NRG1: variants seen among roughly 807,000 people sequenced by gnomAD.
NRG1 encodes the protein pro-neuregulin-1, membrane-bound isoform.
In NRG1, 18 loss-of-function variants were observed where a neutral mutation model predicts 63.8. That is an observed-to-expected ratio of 0.28 (90% confidence interval 0.19 to 0.42). The LOEUF (loss-of-function observed/expected upper bound fraction) is 0.42, where lower values mean the gene tolerates loss of function less well. Among genes scored for constraint, NRG1 ranks in the 10% least tolerant of loss-of-function variants. The pLI is 1.00. For synonymous variants in NRG1, 302 were observed against 301.3 expected (o/e 1.00, Z -0.02); for missense variants, 762 against 814.7 (o/e 0.94, Z 0.79).
At chr8:32,279,677 C>G (rs1261081698) in intron 1 of NRG1, among the ~76,000 whole-genome samples, 2 of 152,146 alleles carry the variant, frequency 1.3e-5, no homozygotes, top group African/African-American at 4.8e-5. Context: ...AAGTGACTTG[C>G]CCAATATCAC....
chr8:32,739,407 C>T (rs991148064), intron 6 of NRG1, among the ~76,000 whole-genome samples: 1 of 152,128 alleles, frequency 6.6e-6, no homozygotes, highest in African/African-American at 2.4e-5. Flanking sequence ...AAATTCATCT[C>T]CCAAATGAAG....
At chr8:32,760,140 AT>A (rs1830425272) in intron 10 of NRG1, 59 bp from the exon 11 acceptor site, 29 of 1,592,406 alleles carry the variant, frequency 1.8e-5, no homozygotes, top group Non-Finnish European at 2.3e-5. Context: ...TTTCATTTCC[AT>A]TTTTTTGCAT....
At chr8:31,671,345 T>C (rs2130999433) in intron 1 of NRG1, among the ~76,000 whole-genome samples, 1 of 152,240 alleles carries the variant, frequency 6.6e-6, no homozygotes, top group South Asian at 2.1e-4. Flanking sequence ...ACCTTTTTAT[T>C]TATTTATTTT....
Position 32,259,857 on chromosome 8 carries a change from C to T in NRG1, c.38-335971C>T, listed in dbSNP as rs144349469. On this transcript the variant is annotated intron_variant, in intron 1 of 10. Transcript: ENST00000519301. ...TTTATGAGGGCTTTTTTTCTTTACA[C>T]CTCTCTCCTTTTCTCATCAGCCTCT... 2.5e-3 allele frequency among the ~76,000 whole-genome samples: 378 copies of T among 152,206 alleles called. 2 individuals are homozygous for T. Among genetic ancestry groups the T allele is most frequent in the African/African-American group, 8.8e-3 (364 of 41,536 alleles).
chr8:32,647,251 C>T (rs899435179), intron 5 of NRG1: 25 of 985,246 alleles, frequency 2.5e-5, no homozygotes, highest in South Asian at 4.7e-5. Flanking sequence ...CTGCTGCTGC[C>T]GCCGCCGCCA....
At chr8:31,888,746 C>G (rs1830918869) in intron 1 of NRG1, among the ~76,000 whole-genome samples, 1 of 151,800 alleles carries the variant, frequency 6.6e-6, no homozygotes, top group African/African-American at 2.4e-5. Flanking sequence ...TTATTAGATG[C>G]CCTAGGGTCT....
At chr8:31,735,198 T>C (rs1814538386) in intron 1 of NRG1, among the ~76,000 whole-genome samples, 1 of 152,038 alleles carries the variant, frequency 6.6e-6, no homozygotes, top group African/African-American at 2.4e-5. Context: ...ACCACCCCCA[T>C]CCTCCACACA....
chr8:32,061,410 G>A (rs1346245290), intron 1 of NRG1, among the ~76,000 whole-genome samples: 10 of 151,906 alleles, frequency 6.6e-5, no homozygotes, highest in African/African-American at 2.4e-4. Context: ...ATCATTTTGT[G>A]ATGACTTTTT....
At chr8:32,720,429 T>C (rs1480065210) in intron 5 of NRG1, among the ~76,000 whole-genome samples, 1 of 152,188 alleles carries the variant, frequency 6.6e-6, no homozygotes, top group Non-Finnish European at 1.5e-5. Context: ...CTTTGCAGGC[T>C]AGACGGATTG....
intron 5 of NRG1, among the ~76,000 whole-genome samples, chr8:32,713,377 C>CTA (rs1818289908): frequency 6.6e-6 from 1 of 152,162 alleles, no homozygotes; most frequent in African/African-American, 2.4e-5. Context: ...TTTCGGTAAA[C>CTA]TATCCTGTGA....
intron 1 of NRG1, among the ~76,000 whole-genome samples, chr8:32,568,806 T>A (rs2129528272): frequency 6.6e-6 from 1 of 152,296 alleles, no homozygotes; most frequent in Non-Finnish European, 1.5e-5. Context: ...AGAGACTTGC[T>A]GTGATTGTAT....
At chr8:32,138,164 CA>C (rs2131697881) in intron 1 of NRG1, among the ~76,000 whole-genome samples, 1 of 152,150 alleles carries the variant, frequency 6.6e-6, no homozygotes, top group Admixed American at 6.5e-5. Flanking sequence ...GCTGATTTGG[CA>C]AACACTAACA....
At chr8:32,481,394 A>T (rs1825267242) in intron 1 of NRG1, among the ~76,000 whole-genome samples, 1 of 152,238 alleles carries the variant, frequency 6.6e-6, no homozygotes, top group East Asian at 1.9e-4. Context: ...AACAAAAAAG[A>T]AAAAGAGTGA....
chr8:32,660,186 C>A (rs949540787), intron 5 of NRG1, among the ~76,000 whole-genome samples: 1 of 152,236 alleles, frequency 6.6e-6, no homozygotes, highest in African/African-American at 2.4e-5. Flanking sequence ...TGGAAATGCT[C>A]GTTGGAACAT....
intron 1 of NRG1, among the ~76,000 whole-genome samples, chr8:32,414,529 T>C (rs923952991): frequency 6.6e-6 from 1 of 152,214 alleles, no homozygotes; most frequent in Non-Finnish European, 1.5e-5. Flanking sequence ...TCCGTGTCAG[T>C]TGAAGATTTC....
At chr8:32,548,420 C>T in exon 1 of NRG1, 3 of 1,114,224 alleles carry the variant, frequency 2.7e-6, no homozygotes, top group Non-Finnish European at 3.3e-6. Flanking sequence ...GATCGGGTTG[C>T]GAGGGCGCCG....
chr8:32,603,826 T>C (rs570634324), intron 2 of NRG1, among the ~76,000 whole-genome samples: 2 of 152,322 alleles, frequency 1.3e-5, no homozygotes, highest in East Asian at 3.9e-4. Context: ...CTGCCCCTGG[T>C]CTGGACCACC....
chr8:32,258,128 C>T (rs1458839561), intron 1 of NRG1, among the ~76,000 whole-genome samples: 1 of 152,070 alleles, frequency 6.6e-6, no homozygotes, highest in Non-Finnish European at 1.5e-5. Context: ...AGACACAAAG[C>T]CAAATTTTCA....
intron 1 of NRG1, among the ~76,000 whole-genome samples, chr8:31,750,740 C>T (rs890009685): frequency 5.3e-5 from 8 of 151,904 alleles, no homozygotes; most frequent in Non-Finnish European, 8.8e-5. Flanking sequence ...ACTAAATGAG[C>T]ATTGCCTAAT....
Sources: gnomAD v4.1 joint callset for allele counts (sites outside exome capture counted in the v4.1 genomes callset) on GRCh38, gnomAD v4.1.1 for gene constraint, MANE v1.5 for transcripts, NCBI Gene and HGNC (gene_info 2026-07-23, HGNC 2026-07-21) for gene names.